The following EPCAM variants were observed in gnomAD, a reference collection of about 807,000 sequenced individuals.
The protein encoded by EPCAM is adenocarcinoma-associated antigen.
Under a neutral mutation model 40.0 loss-of-function variants are expected in EPCAM, and 39 were observed. That is an observed-to-expected ratio of 0.98 (90% confidence interval 0.76 to 1.27). The LOEUF is 1.27. EPCAM is among the 50% of genes most tolerant of loss of function. The probability of loss-of-function intolerance (pLI) is 0.00; values close to 1 mark genes in which losing one functional copy is unlikely to be tolerated. For missense variants in EPCAM, 503 were observed against 381.2 expected (o/e 1.32, Z -2.66); for synonymous variants, 168 against 132.3 (o/e 1.27, Z -1.85).
intron 4 of EPCAM, among the ~76,000 whole-genome samples, chr2:47,376,254 CTTT>C (rs57201109): frequency 6.2e-5 from 8 of 128,302 alleles, no homozygotes; most frequent in Non-Finnish European, 6.5e-5. Flanking sequence ...ATATTTCCTC[CTTT>C]TTTTTTTTTT....
In EPCAM at chr2:47,385,070, G is replaced by A. The variant is rs185564838; in HGVS notation, c.859-96G>A. 4.9e-5 allele frequency: 48 copies of A among 971,498 alleles called. No homozygotes were observed. The East Asian group carries it at 9.7e-4, about 20-fold the overall frequency. The allele number at this position is 971,498 out of a possible 1,614,324, so 60.2% of individuals were successfully genotyped here. A position where few individuals can be genotyped will look rare whatever the true frequency, so the allele number is the denominator to read the frequency against. On this transcript the variant is annotated intron_variant, in intron 7 of 8. Coordinates refer to ENST00000263735, the MANE Select transcript of EPCAM (RefSeq NM_002354.3). ...AGATGTTAAAATTAGTTTTTTTTCA[G>A]ATCAAAATTATGTCCATTAAAAGCA...
chr2:47,375,854 T>A (rs1193926349), intron 4 of EPCAM, among the ~76,000 whole-genome samples: 1 of 151,688 alleles, frequency 6.6e-6, no homozygotes, highest in Non-Finnish European at 1.5e-5. Flanking sequence ...TACAGGTGCC[T>A]GCCACTACGC....
Position 47,379,778 on chromosome 2 carries a change from G to A in EPCAM, c.667G>A (p.Glu223Lys), listed in dbSNP as rs372674836. The A allele has an allele frequency of 1.2e-6, 2 of 1,613,106 alleles. No individual in the cohort carries two copies. The highest frequency in any genetic ancestry group is 1.7e-6 in the Non-Finnish European group (2 of 1,179,824). The part of the protein sequence containing the change: ...AYYFEKDVKG[E>K]SLFHSKKMDL... ...CTCCTTTTCAATACAGGTTAAAGGT[G>A]AATCCTTGTTTCATTCTAAGAAAAT... The change falls in exon 7 of 9, where the codon GAA becomes AAA. Residue 223 changes from glutamate (E) to lysine (K), a missense_variant. Transcript: ENST00000263735.
rs770459165 is a variant in EPCAM at position 47,373,541 on chromosome 2, G to A, written c.155G>A (p.Gly52Asp). The A allele has an allele frequency of 6.2e-7, 1 of 1,613,350 alleles. No individual in the cohort carries two copies. Among genetic ancestry groups the A allele is most frequent in the East Asian group, 2.2e-5 (1 of 44,868 alleles). The change falls in exon 2 of 9, where the codon GGT becomes GAT. Residue 52 changes from glycine to aspartate, a missense_variant. Gly to Asp is a moderately conservative substitution (Grantham distance 94). Transcript: ENST00000263735. ...CGTCAATGCCAGTGTACTTCAGTTGGTGCACAAAATACTGTCATTTGCTCA... is the reference window on the plus strand; with the variant it reads ...CGTCAATGCCAGTGTACTTCAGTTGATGCACAAAATACTGTCATTTGCTCA... ...NNRQCQCTSVGAQNTVICSKL... is the reference protein window; with the variant it reads ...NNRQCQCTSVDAQNTVICSKL...
At chr2:47,370,328 A>G (rs893237891) in intron 1 of EPCAM, among the ~76,000 whole-genome samples, 7 of 152,184 alleles carry the variant, frequency 4.6e-5, no homozygotes, top group Admixed American at 6.5e-5. Flanking sequence ...CTGGAGTGCA[A>G]TGGCGCGATC....
At chr2:47,376,632 C>G (rs1671435021) in intron 4 of EPCAM, among the ~76,000 whole-genome samples, 1 of 152,088 alleles carries the variant, frequency 6.6e-6, no homozygotes, top group Non-Finnish European at 1.5e-5. Context: ...ATCTTGTGTC[C>G]TTTATAATAC....
chr2:47,379,081 G>C (rs774608168), intron 6 of EPCAM, 27 bp downstream of exon 6: 8 of 1,133,318 alleles, frequency 7.1e-6, no homozygotes, highest in Non-Finnish European at 1.1e-5. Context: ...TTATTCCTGT[G>C]TTCAGGAATG....
At chr2:47,382,650 C>T (rs1671624195) in intron 7 of EPCAM, among the ~76,000 whole-genome samples, 1 of 152,184 alleles carries the variant, frequency 6.6e-6, no homozygotes, top group South Asian at 2.1e-4. Context: ...CATGTCATTG[C>T]ACTCCAGCCT....
chr2:47,373,955 A>G lies in EPCAM; in HGVS notation c.332A>G (p.Asn111Ser), dbSNP rs373819791. Residue 111 changes from asparagine (N) to serine (S), a missense_variant, in exon 3 of 9, where the codon AAC (asparagine) becomes AGC (serine). Transcript: ENST00000263735. ...ESGLFKAKQC[N>S]GTSMCWCVNT... is the part of the protein sequence containing the mutation. ...GGGCTCTTTAAGGCCAAGCAGTGCA[A>G]CGGCACCTCCATGTGCTGGTGTGTG... The G allele has an allele frequency of 5.0e-6, 8 of 1,613,984 alleles. No homozygotes were observed. Among genetic ancestry groups the G allele is most frequent in the East Asian group, 4.5e-5 (2 of 44,884 alleles).
intron 1 of EPCAM, among the ~76,000 whole-genome samples, chr2:47,371,330 A>G (rs937512591): frequency 6.7e-6 from 1 of 150,006 alleles, no homozygotes; most frequent in Non-Finnish European, 1.5e-5. Flanking sequence ...GCACATTTAC[A>G]TGTCACTGCG....
intron 7 of EPCAM, among the ~76,000 whole-genome samples, chr2:47,380,199 C>G (rs1454842907): frequency 6.6e-6 from 1 of 151,876 alleles, no homozygotes; most frequent in Non-Finnish European, 1.5e-5. Context: ...ACCTGTGGTC[C>G]CATCTACTTA....
chr2:47,377,126 A>G (rs1558436940), intron 5 of EPCAM, 49 bp downstream of exon 5: 4 of 1,225,424 alleles, frequency 3.3e-6, no homozygotes, highest in Non-Finnish European at 4.8e-6. Flanking sequence ...GTGAGACAGT[A>G]TGTTTTGAGT....
chr2:47,373,044 A>G (rs145582900), intron 1 of EPCAM, among the ~76,000 whole-genome samples: 2 of 151,756 alleles, frequency 1.3e-5, no homozygotes, highest in African/African-American at 4.8e-5. Context: ...CGTATCTACA[A>G]AAAGTTAAAA....
chr2:47,380,661 A>G (rs1671561889), intron 7 of EPCAM, among the ~76,000 whole-genome samples: 1 of 152,254 alleles, frequency 6.6e-6, no homozygotes, highest in Non-Finnish European at 1.5e-5. Context: ...AAGAGTTAAA[A>G]GTGATATGTG....
intron 1 of EPCAM, among the ~76,000 whole-genome samples, chr2:47,370,469 G>T (rs370562924): frequency 6.6e-6 from 1 of 151,964 alleles, no homozygotes; most frequent in Non-Finnish European, 1.5e-5. Flanking sequence ...TAGAGACGGG[G>T]TTTCTCCATG....
At chr2:47,382,963 G>A (rs1671631520) in intron 7 of EPCAM, among the ~76,000 whole-genome samples, 1 of 151,770 alleles carries the variant, frequency 6.6e-6, no homozygotes, top group Non-Finnish European at 1.5e-5. Context: ...AGGAGGATGT[G>A]GAAGAATGCA....
chr2:47,378,797 AGTGATAAAC>A (rs1256192721), intron 5 of EPCAM, among the ~76,000 whole-genome samples, 147 bp from the exon 6 acceptor site: 4 of 152,214 alleles, frequency 2.6e-5, no homozygotes, highest in Non-Finnish European at 5.9e-5. Context: ...TTTCTTGATT[AGTGATAAAC>A]TTAGTTATCC....
intron 8 of EPCAM, among the ~76,000 whole-genome samples, 168 bp downstream of exon 8, chr2:47,385,378 G>A (rs1671717285): frequency 6.6e-6 from 1 of 152,062 alleles, no homozygotes; most frequent in South Asian, 2.1e-4. Flanking sequence ...AAATATTCTT[G>A]CGTGAGTTCC....
chr2:47,373,856 T>G lies in EPCAM; in HGVS notation c.233T>G (p.Leu78Arg), dbSNP rs779246633. Residue 78 changes from leucine to arginine, a missense_variant, in exon 3 of 9, where the codon CTT (leucine) becomes CGT (arginine). Leu to Arg is a moderately radical substitution (Grantham distance 102, BLOSUM62 -2). Transcript: ENST00000263735. ...VMKAEMNGSK[L>R]GRRAKPEGAL... ...AAGGCAGAAATGAATGGCTCAAAAC[T>G]TGGGAGAAGAGCAAAACCTGAAGGG... 10 of 1,614,102 alleles carry G rather than the reference T, an allele frequency of 6.2e-6. No individual in the cohort carries two copies. In the East Asian group the frequency reaches 2.0e-4, roughly 32 times the overall value.
Sources: gnomAD v4.1 joint callset for allele counts (sites outside exome capture counted in the v4.1 genomes callset) on GRCh38, gnomAD v4.1.1 for gene constraint, MANE v1.5 for transcripts, NCBI Gene and HGNC (gene_info 2026-07-23, HGNC 2026-07-21) for gene names.